Variants in ZNF391 observed in about 807,000 individuals in gnomAD.
The protein encoded by ZNF391 is zinc finger protein 391.
For synonymous variants in ZNF391, 126 were observed against 142.1 expected (o/e 0.89, Z 0.80); for missense variants, 375 against 425.5 (o/e 0.88, Z 1.04).
At chr6:27,392,108 T>C (rs1761726688) in intron 1 of ZNF391, among the ~76,000 whole-genome samples, 2 of 152,194 alleles carry the variant, frequency 1.3e-5, no homozygotes, top group Admixed American at 1.3e-4. Flanking sequence ...TGTTTATTTT[T>C]CCCTGGTTTC....
intron 1 of ZNF391, among the ~76,000 whole-genome samples, chr6:27,382,106 C>G (rs989685990): frequency 6.7e-6 from 1 of 149,768 alleles, no homozygotes; most frequent in African/African-American, 2.5e-5. Context: ...CCAAGGCAAG[C>G]AGATCACCTG....
rs538592631 is a variant in ZNF391 at position 27,389,065 on chromosome 6, C to T, written c.-198C>T. The stretch of plus-strand genomic sequence containing the variant: ...GCCGGTGAGTGAGGCTTACAGGGCC[C>T]CGGGACCAAGGTGGGTGCTCTTAGA... On this transcript the variant is annotated 5_prime_UTR_variant, in exon 1 of 3. Coordinates refer to ENST00000244576, the MANE Select transcript of ZNF391 (RefSeq NM_001076781.3). 65 of 456,412 alleles carry T rather than the reference C, an allele frequency of 1.4e-4. 2 individuals are homozygous for T. Among genetic ancestry groups the T allele is most frequent in the South Asian group, 9.5e-4 (61 of 64,542 alleles). The allele number at this position is 456,412 out of a possible 1,614,324, so 28.3% of individuals were successfully genotyped here.
At chr6:27,377,668 C>G in intron 1 of ZNF391, among the ~76,000 whole-genome samples, 1 of 152,216 alleles carries the variant, frequency 6.6e-6, no homozygotes, top group Non-Finnish European at 1.5e-5. Flanking sequence ...TCATGTCTCC[C>G]TAAAATATAT....
chr6:27,385,229 A>AG (rs939586724), upstream of ZNF391, among the ~76,000 whole-genome samples: 20 of 13,834 alleles, frequency 1.4e-3, no homozygotes, highest in African/African-American at 3.8e-3. Flanking sequence ...AAAAAGTCAG[A>AG]AAAAGTGGTA....
chr6:27,394,580 T>C (rs6903254), intron 1 of ZNF391, among the ~76,000 whole-genome samples: 107,723 of 152,208 alleles, frequency 0.71, 38,350 homozygotes, highest in Middle Eastern at 0.82. Context: ...ACTAGGGCAG[T>C]CCAGAGGGGA....
At chr6:27,390,917 A>T (rs1245545888) in intron 1 of ZNF391, 1 of 152,184 alleles carries the variant, frequency 6.6e-6, no homozygotes. Context: ...TTTTCAGAAA[A>T]GTGACTTGAC....
intron 1 of ZNF391, among the ~76,000 whole-genome samples, chr6:27,397,818 TG>T (rs1761862538): frequency 6.6e-6 from 1 of 152,026 alleles, no homozygotes; most frequent in Non-Finnish European, 1.5e-5. Context: ...TTAGTAGAGA[TG>T]GGGTTTCACC....
rs1039335617 is a variant in ZNF391 at position 27,402,315 on chromosome 6, A to C, written c.*868A>C. 2 of 152,202 alleles carry C rather than the reference A, an allele frequency of 1.3e-5. No individual in the cohort carries two copies. The highest frequency in any genetic ancestry group is 2.1e-4 in the South Asian group (1 of 4,798). The allele number at this position is 152,202 out of a possible 1,614,324, so 9.4% of individuals were successfully genotyped here. A position where few individuals can be genotyped will look rare whatever the true frequency, so the allele number is the denominator to read the frequency against. ...GACCCTCACCAATCTTGGAAGATTG[A>C]TCTCTCAAGGACAAACCCAGTGCCT... On this transcript the variant is annotated 3_prime_UTR_variant, in exon 3 of 3. Coordinates refer to ENST00000244576, the MANE Select transcript of ZNF391 (RefSeq NM_001076781.3).
chr6:27,382,009 T>C (rs1761516784), intron 1 of ZNF391, among the ~76,000 whole-genome samples: 2 of 118,250 alleles, frequency 1.7e-5, no homozygotes, highest in South Asian at 5.8e-4. Flanking sequence ...CACTCCAGCC[T>C]GGGCAACAGA....
At chr6:27,391,003 A>G (rs952692657) in intron 1 of ZNF391, 3 of 152,128 alleles carry the variant, frequency 2.0e-5, no homozygotes, top group African/African-American at 7.2e-5. Context: ...GACTAGTGCC[A>G]TAGTGTCTTT....
intron 1 of ZNF391, among the ~76,000 whole-genome samples, chr6:27,389,750 G>A (rs1161772587): frequency 6.6e-6 from 1 of 152,208 alleles, no homozygotes; most frequent in East Asian, 1.9e-4. Context: ...GTTGGAGCGA[G>A]CAGAGACCAC....
chr6:27,388,242 T>C (rs1033222145), upstream of ZNF391, among the ~76,000 whole-genome samples: 1 of 152,214 alleles, frequency 6.6e-6, no homozygotes, highest in African/African-American at 2.4e-5. Context: ...TTATCTGGAA[T>C]TTTAAAAAAT....
upstream of ZNF391, among the ~76,000 whole-genome samples, chr6:27,387,336 T>C (rs149615852): frequency 6.6e-3 from 1,001 of 152,292 alleles, 10 homozygotes; most frequent in Non-Finnish European, 8.1e-3. Context: ...CCATATGATA[T>C]AGCAATTCAA....
At position 27,380,929 on chromosome 6, in the gene ZNF391, G is replaced by T. The variant is rs142144410; in HGVS notation, n.523+5792G>T. Among the ~76,000 whole-genome samples, 375 of 152,286 alleles carry T rather than the reference G, an allele frequency of 2.5e-3. 2 individuals carry two copies. The highest frequency in any genetic ancestry group is 0.017 in the Middle Eastern group (5 of 294). On this transcript the variant is annotated intron_variant and non_coding_transcript_variant, in intron 1 of 2. Coordinates refer to the ZNF391 transcript ENST00000477999. ...TGAGTTAGATACAGAGTGCCCATTG[G>T]TGTATTTACAATCCCTGAGCTAGAC... is the stretch of plus-strand genomic sequence containing the variant.
rs373162451 is a variant in ZNF391 at position 27,401,116 on chromosome 6, A to G, written c.746A>G (p.Tyr249Cys). The G allele has an allele frequency of 1.9e-6, 3 of 1,614,250 alleles. No individual in the cohort carries two copies. Among genetic ancestry groups the G allele is most frequent in the Non-Finnish European group, 2.5e-6 (3 of 1,180,036 alleles). The stretch of plus-strand genomic sequence containing the variant: ...CGAATACACACTGGAGAGAATCCCT[A>G]TGAATGCAGTAAATGTGGAAAAGCT... ...HQRIHTGENP[Y>C]ECSKCGKAFS... The change falls in exon 3 of 3, where the codon TAT (tyrosine) becomes TGT (cysteine). Residue 249 changes from tyrosine to cysteine, a missense_variant. Coordinates refer to ENST00000244576, the MANE Select transcript of ZNF391 (RefSeq NM_001076781.3).
At chr6:27,387,798 T>C (rs771161088), upstream of ZNF391, among the ~76,000 whole-genome samples, 1 of 152,238 alleles carries the variant, frequency 6.6e-6, no homozygotes, top group Non-Finnish European at 1.5e-5. Flanking sequence ...TAGAATTAGA[T>C]AGTGACGGTG....
chr6:27,385,199 A>G (rs1761569030), upstream of ZNF391, among the ~76,000 whole-genome samples: 1 of 126,070 alleles, frequency 7.9e-6, no homozygotes, highest in Admixed American at 8.6e-5. Flanking sequence ...AAAATCATAT[A>G]AAGGGTTCAA....
At chr6:27,392,633 G>A (rs1369240813) in intron 1 of ZNF391, among the ~76,000 whole-genome samples, 1 of 152,218 alleles carries the variant, frequency 6.6e-6, no homozygotes, top group African/African-American at 2.4e-5. Context: ...CTGGGAGGCA[G>A]TCACTCTCTA....
rs1291042700 is a variant in ZNF391, at chr6:27,401,330, T to C, written c.960T>C (p.Leu320=). 6.2e-7 allele frequency: 1 copy of C among 1,613,976 alleles called. No homozygotes were observed. The highest frequency in any genetic ancestry group is 1.3e-5 in the African/African-American group (1 of 74,890). ...CGKGFSRSSS[L]IIHQRTHTGE... ...AGGGCTTCAGTCGAAGCTCATCCCTTATTATTCATCAGAGAACTCATACCG... is the reference window on the plus strand; with the variant it reads ...AGGGCTTCAGTCGAAGCTCATCCCTCATTATTCATCAGAGAACTCATACCG... The change falls in exon 3 of 3, where the codon CTT becomes CTC. Residue 320 remains leucine (L), a synonymous_variant. Transcript: ENST00000244576.
Sources: gnomAD v4.1 joint callset for allele counts (sites outside exome capture counted in the v4.1 genomes callset) on GRCh38, gnomAD v4.1.1 for gene constraint, MANE v1.5 for transcripts, NCBI Gene and HGNC (gene_info 2026-07-23, HGNC 2026-07-21) for gene names.